The following VRK3 variants were observed in gnomAD, a reference collection of about 807,000 sequenced individuals.
VRK3 encodes serine/threonine-protein kinase VRK3.
VRK3 carries 50 observed loss-of-function variants against 60.4 expected under a neutral mutation model. That is an observed-to-expected ratio of 0.83 (90% CI 0.66 to 1.05). The LOEUF is 1.05. Among genes scored for constraint, VRK3 ranks in the 50% least tolerant of loss-of-function variants. The probability of loss-of-function intolerance (pLI) is 0.00; values close to 1 mark genes in which losing one functional copy is unlikely to be tolerated. For missense variants in VRK3, 549 were observed against 585.3 expected, an observed-to-expected ratio of 0.94 and a Z score of 0.64; for synonymous variants, 246 against 227.8, an observed-to-expected ratio of 1.08 and a Z score of -0.72.
intron 9 of VRK3, among the ~76,000 whole-genome samples, chr19:49,994,053 G>A (rs1272406127): frequency 6.6e-6 from 1 of 152,096 alleles, no homozygotes; most frequent in Admixed American, 6.5e-5. Flanking sequence ...GGTCACCGCT[G>A]ACCTCTCCAG....
intron 2 of VRK3, 35 bp from the exon 3 acceptor site, chr19:50,016,198 G>C (rs769346573): frequency 1.5e-5 from 24 of 1,611,046 alleles, no homozygotes; most frequent in African/African-American, 2.7e-5. Flanking sequence ...AAAGTGAAAC[G>C]GGCCAGCTGA....
At chr19:50,011,459 C>T (rs191113562) in intron 3 of VRK3, among the ~76,000 whole-genome samples, 6 of 152,310 alleles carry the variant, frequency 3.9e-5, no homozygotes, top group African/African-American at 1.2e-4. Flanking sequence ...GGAATGGCCT[C>T]CTAACTGGTT....
chr19:49,994,975 C>T (rs184829116), intron 8 of VRK3, 56 bp from the exon 9 acceptor site: 91 of 1,536,416 alleles, frequency 5.9e-5, no homozygotes, highest in Admixed American at 2.9e-4. Context: ...AGAGGAGTAC[C>T]GGCCGCCAAG....
At chr19:49,988,301 C>A in intron 12 of VRK3, 71 bp downstream of exon 12, 1 of 1,557,504 alleles carries the variant, frequency 6.4e-7, no homozygotes, top group Non-Finnish European at 8.7e-7. Context: ...CCCAGTTGGG[C>A]TCTGGGCTTC....
intron 10 of VRK3, among the ~76,000 whole-genome samples, chr19:49,992,103 G>C (rs1476967978): frequency 6.6e-6 from 1 of 152,156 alleles, no homozygotes; most frequent in African/African-American, 2.4e-5. Context: ...AGGAACTTGT[G>C]GATCAAAAAA....
intron 2 of VRK3, 55 bp from the exon 3 acceptor site, chr19:50,016,218 G>A: frequency 2.5e-6 from 4 of 1,604,586 alleles, no homozygotes; most frequent in Non-Finnish European, 3.4e-6. Flanking sequence ...AAGGTCAGTG[G>A]AAGTATTGTT....
intron 12 of VRK3, 150 bp downstream of exon 12, chr19:49,988,222 T>C (rs2076549989): frequency 3.2e-6 from 4 of 1,238,114 alleles, no homozygotes; most frequent in African/African-American, 1.5e-5. Context: ...GTGTGGACAC[T>C]GCAGCACATG....
intron 5 of VRK3, among the ~76,000 whole-genome samples, chr19:50,003,849 C>T (rs2076850212): frequency 6.6e-6 from 1 of 152,228 alleles, no homozygotes; most frequent in African/African-American, 2.4e-5. Flanking sequence ...CCCCGCTCTC[C>T]CTGCACTGTC....
At chr19:49,989,126 G>A (rs929525600) in intron 11 of VRK3, among the ~76,000 whole-genome samples, 48 of 152,176 alleles carry the variant, frequency 3.2e-4, no homozygotes, top group African/African-American at 1.1e-3. Context: ...TCTGATGGGA[G>A]GATGTGGCAG....
chr19:50,013,605 A>G (rs2077029521), intron 3 of VRK3, among the ~76,000 whole-genome samples: 1 of 152,224 alleles, frequency 6.6e-6, no homozygotes, highest in Non-Finnish European at 1.5e-5. Flanking sequence ...TGATTTACCA[A>G]TATAGTATCT....
chr19:50,002,981 G>A (rs539164166), intron 5 of VRK3, among the ~76,000 whole-genome samples: 3 of 152,192 alleles, frequency 2.0e-5, no homozygotes, highest in Non-Finnish European at 2.9e-5. Context: ...GCACATATAC[G>A]GCAGTGGCCG....
At chr19:50,004,432 TCTC>T (rs1259573403) in intron 5 of VRK3, among the ~76,000 whole-genome samples, 4 of 152,130 alleles carry the variant, frequency 2.6e-5, no homozygotes, top group African/African-American at 7.2e-5. Context: ...GCCCTCTCCT[TCTC>T]CTTTCTCTCC....
chr19:49,982,233 G>A (rs1182928376), intron 12 of VRK3: 13 of 702,616 alleles, frequency 1.9e-5, no homozygotes, highest in East Asian at 8.0e-5. Context: ...CAACAGCACC[G>A]TAGCTCATGC....
chr19:50,020,152 T>C lies in VRK3; in HGVS notation c.-2+433A>G, dbSNP rs1413512500. 3.3e-5 allele frequency among the ~76,000 whole-genome samples: 5 copies of C among 152,030 alleles called. No individual in the cohort carries two copies. In the South Asian group the frequency reaches 6.2e-4, roughly 19 times the overall value. ...GCCTCCCAGGTTCAAGCAATTCTCC[T>C]GCCTCAGCATCCTGAGTAGCTGGGA... is the stretch of plus-strand genomic sequence containing the variant. On this transcript the variant is annotated intron_variant, in intron 2 of 14. Coordinates refer to ENST00000316763, the MANE Select transcript of VRK3 (RefSeq NM_016440.4).
rs1054371755 is a variant in VRK3 at position 50,005,960 on chromosome 19, TCTGAATATC to T, written c.547+1600_547+1608del. ...GATAGTGACGATGGTTGCATAACAC[TCTGAATATC>T]CTGAAGGCCACTCAGTTGCACCCTT... On this transcript the variant is annotated intron_variant, in intron 5 of 14. Transcript: ENST00000316763. 1.5e-4 allele frequency among the ~76,000 whole-genome samples: 23 copies of T among 149,026 alleles called. 1 individual carries two copies. Among genetic ancestry groups the T allele is most frequent in the African/African-American group, 6.0e-4 (23 of 38,452 alleles).
intron 10 of VRK3, among the ~76,000 whole-genome samples, chr19:49,990,177 C>T (rs531645658): frequency 1.1e-3 from 169 of 152,252 alleles, no homozygotes; most frequent in African/African-American, 3.9e-3. Context: ...GGCCAGATGG[C>T]CTGGGTTCAA....
chr19:49,993,005 A>G, intron 9 of VRK3, 53 bp from the exon 10 acceptor site: 4 of 1,517,418 alleles, frequency 2.6e-6, no homozygotes. Context: ...TAACACAGAG[A>G]GGCTATGGTG....
chr19:49,991,545 A>G (rs1353124475), intron 10 of VRK3, among the ~76,000 whole-genome samples: 2 of 151,974 alleles, frequency 1.3e-5, no homozygotes, highest in African/African-American at 4.8e-5. Flanking sequence ...GCACACACAC[A>G]CACACCCTGC....
chr19:50,009,284 C>T lies in VRK3; in HGVS notation c.241G>A (p.Asp81Asn). The change falls in exon 4 of 15, where the codon GAC becomes AAC. Residue 81 changes from aspartate to asparagine, a missense_variant. By Grantham distance (23) the Asp-to-Asn change is conservative. Transcript: ENST00000316763. ...SPRLSLFSDG[D>N]SSESEDTLSS... Reference sequence around the variant, plus strand: ...AGAGTATCTTCAGACTCAGAACTGTCACCATCTGAGAAGAGGGATAATCGG... The same window carrying T: ...AGAGTATCTTCAGACTCAGAACTGTTACCATCTGAGAAGAGGGATAATCGG... 1 of 1,614,148 alleles carries T rather than the reference C, an allele frequency of 6.2e-7. No homozygotes were observed. The highest frequency in any genetic ancestry group is 8.5e-7 in the Non-Finnish European group (1 of 1,180,008).
Sources: gnomAD v4.1 joint callset for allele counts (sites outside exome capture counted in the v4.1 genomes callset) on GRCh38, gnomAD v4.1.1 for gene constraint, MANE v1.5 for transcripts, NCBI Gene and HGNC (gene_info 2026-07-23, HGNC 2026-07-21) for gene names.